Variants in VOPP1 observed in about 807,000 individuals in gnomAD.
The protein encoded by VOPP1 is WW domain binding protein VOPP1.
Under a neutral mutation model 23.5 loss-of-function variants are expected in VOPP1, and 8 were observed. That is an observed-to-expected ratio of 0.34 (90% CI 0.20 to 0.61). The LOEUF is 0.61. VOPP1 is among the 20% of genes least tolerant of loss of function. The pLI, the probability that VOPP1 is intolerant of heterozygous loss-of-function variation, is 0.78. For missense variants in VOPP1, 174 were observed against 238.1 expected, an observed-to-expected ratio of 0.73 and a Z score of 1.77; for synonymous variants, 83 against 97.3, an observed-to-expected ratio of 0.85 and a Z score of 0.86.
chr7:55,549,759 C>T (rs776239005), intron 1 of VOPP1, among the ~76,000 whole-genome samples: 2 of 152,230 alleles, frequency 1.3e-5, no homozygotes, highest in South Asian at 2.1e-4. Context: ...CACACATCCA[C>T]TTAGACAAAG....
chr7:55,543,097 A>T (rs1450394722), intron 1 of VOPP1, among the ~76,000 whole-genome samples: 1 of 151,874 alleles, frequency 6.6e-6, no homozygotes, highest in African/African-American at 2.4e-5. Context: ...TTGTGTTTTT[A>T]GTAGAGACAG....
At chr7:55,455,416 A>G (rs1284382671) in intron 4 of VOPP1, among the ~76,000 whole-genome samples, 2 of 152,214 alleles carry the variant, frequency 1.3e-5, no homozygotes, top group Admixed American at 6.5e-5. Context: ...CTATCAAGCT[A>G]CCATTGACTT....
downstream of VOPP1, among the ~76,000 whole-genome samples, chr7:55,469,441 G>A (rs1238650970): frequency 1.3e-5 from 2 of 152,150 alleles, no homozygotes; most frequent in Non-Finnish European, 2.9e-5. Context: ...GTCATTTGCA[G>A]CTGCCTTTTA....
At chr7:55,494,785 C>T (rs1215677104) in intron 3 of VOPP1, among the ~76,000 whole-genome samples, 1 of 152,034 alleles carries the variant, frequency 6.6e-6, no homozygotes, top group East Asian at 1.9e-4. Flanking sequence ...AAGAGAGAAA[C>T]TAACAAAGGG....
chr7:55,521,581 G>T, intron 1 of VOPP1: 1 of 988,138 alleles, frequency 1.0e-6, no homozygotes. Context: ...TCCGACCTAC[G>T]TCTGCAAGAT....
chr7:55,551,794 C>T (rs1050780312), intron 1 of VOPP1, among the ~76,000 whole-genome samples: 5 of 152,084 alleles, frequency 3.3e-5, no homozygotes, highest in African/African-American at 9.7e-5. Flanking sequence ...AATCCCAGCA[C>T]TTTGGGAGGC....
rs984703268 is a variant in VOPP1 at position 55,497,490 on chromosome 7, C to G, written c.191+123G>C. 1.8e-5 allele frequency: 16 copies of G among 866,146 alleles called. No homozygotes were observed. The Admixed American group carries it at 2.6e-4, about 14-fold the overall frequency. The allele number at this position is 866,146 out of a possible 1,614,324, so 53.7% of individuals were successfully genotyped here. On this transcript the variant is annotated intron_variant, in intron 3 of 4. Transcript: ENST00000285279. Reference sequence around the variant, plus strand: ...ACCCAAACATACCCATTTTCCTGACCAAGGCTGTCCTTGAGGCCACCACCC... The same window carrying G: ...ACCCAAACATACCCATTTTCCTGACGAAGGCTGTCCTTGAGGCCACCACCC...
At position 55,520,989 on chromosome 7, in the gene VOPP1, C is replaced by T. The variant is rs979701445; in HGVS notation, c.113+83G>A. 9.6e-6 allele frequency: 14 copies of T among 1,456,618 alleles called. No homozygotes were observed. The African/African-American group carries it at 1.4e-4, about 15-fold the overall frequency. The allele number at this position is 1,456,618 out of a possible 1,614,324, so 90.2% of individuals were successfully genotyped here. On this transcript the variant is annotated intron_variant, in intron 2 of 4. Coordinates refer to ENST00000285279, the MANE Select transcript of VOPP1 (RefSeq NM_030796.5). ...CTGGGCCACGCCGGGCTTTCCCCATCCCACACCCAGAACTTTAGCAAGACA... is the reference window on the plus strand; with the variant it reads ...CTGGGCCACGCCGGGCTTTCCCCATTCCACACCCAGAACTTTAGCAAGACA...
downstream of VOPP1, among the ~76,000 whole-genome samples, chr7:55,469,983 T>C (rs990091008): frequency 1.6e-4 from 24 of 152,300 alleles, no homozygotes; most frequent in Admixed American, 1.6e-3. Context: ...GGTTTGAGGC[T>C]GCAGTGAGCT....
chr7:55,550,611 C>T (rs142605744), intron 1 of VOPP1, among the ~76,000 whole-genome samples: 6 of 152,180 alleles, frequency 3.9e-5, no homozygotes, highest in Admixed American at 1.3e-4. Context: ...TATATAAAAA[C>T]GGGAACAAAT....
chr7:55,488,996 C>T (rs1345289874), intron 4 of VOPP1, among the ~76,000 whole-genome samples: 3 of 152,252 alleles, frequency 2.0e-5, no homozygotes, highest in African/African-American at 7.2e-5. Flanking sequence ...AGGGCCCATG[C>T]CACAGATAGT....
intron 4 of VOPP1, among the ~76,000 whole-genome samples, chr7:55,451,288 A>G (rs1306185142): frequency 3.3e-5 from 5 of 152,202 alleles, no homozygotes; most frequent in Non-Finnish European, 5.9e-5. Flanking sequence ...GTAGGGGGCA[A>G]AAGAAACGCC....
intron 4 of VOPP1, among the ~76,000 whole-genome samples, chr7:55,449,695 C>G (rs868223140): frequency 1.3e-5 from 2 of 152,218 alleles, no homozygotes; most frequent in Non-Finnish European, 2.9e-5. Flanking sequence ...CAGAGGCGTT[C>G]TGGCCACCGA....
At chr7:55,460,450 T>C (rs1187187300) in intron 4 of VOPP1, among the ~76,000 whole-genome samples, 2 of 152,228 alleles carry the variant, frequency 1.3e-5, no homozygotes, top group Non-Finnish European at 2.9e-5. Flanking sequence ...AATGTTTCTA[T>C]GTTGATTCTT....
chr7:55,522,003 CA>C, intron 1 of VOPP1: 2 of 702,634 alleles, frequency 2.8e-6, no homozygotes, highest in Non-Finnish European at 3.5e-6. Context: ...ATAAAACCTT[CA>C]AAACATTATG....
At chr7:55,481,653 G>A (rs531769498) in intron 4 of VOPP1, among the ~76,000 whole-genome samples, 15 of 152,226 alleles carry the variant, frequency 9.9e-5, no homozygotes, top group Middle Eastern at 3.4e-3. Flanking sequence ...TGGGTGCAGA[G>A]CATGCATTTG....
At chr7:55,487,569 C>T (rs190498103) in intron 4 of VOPP1, among the ~76,000 whole-genome samples, 1 of 152,348 alleles carries the variant, frequency 6.6e-6, no homozygotes, top group East Asian at 1.9e-4. Flanking sequence ...ACCATCCTCT[C>T]ACTTCAGCAT....
At chr7:55,446,983 G>A (rs1791115325) in intron 4 of VOPP1, among the ~76,000 whole-genome samples, 1 of 152,212 alleles carries the variant, frequency 6.6e-6, no homozygotes, top group South Asian at 2.1e-4. Flanking sequence ...TGCAGCTCTA[G>A]ATATCACATC....
chr7:55,524,727 G>C (rs1185825808), intron 1 of VOPP1, among the ~76,000 whole-genome samples: 2 of 152,178 alleles, frequency 1.3e-5, no homozygotes, highest in African/African-American at 4.8e-5. Flanking sequence ...TTGCCCAATT[G>C]AGGAGGACGC....
Sources: gnomAD v4.1 joint callset for allele counts (sites outside exome capture counted in the v4.1 genomes callset) on GRCh38, gnomAD v4.1.1 for gene constraint, MANE v1.5 for transcripts, NCBI Gene and HGNC (gene_info 2026-07-23, HGNC 2026-07-21) for gene names.